Variants in MARCHF1 observed in about 807,000 individuals in gnomAD.
MARCHF1 encodes the protein E3 ubiquitin-protein ligase MARCHF1.
A neutral mutation model predicts 54.2 loss-of-function variants in MARCHF1; 40 were observed. The ratio of observed to expected loss-of-function variants is 0.74; its 90% confidence interval spans 0.57 to 0.96. MARCHF1 has a LOEUF of 0.96. Among genes scored for constraint, MARCHF1 ranks in the 40% least tolerant of loss-of-function variants. The probability of loss-of-function intolerance (pLI) is 0.00; values close to 1 mark genes in which losing one functional copy is unlikely to be tolerated. For missense variants in MARCHF1, 586 were observed against 656.5 expected, an observed-to-expected ratio of 0.89 and a Z score of 1.17; for synonymous variants, 236 against 236.3, an observed-to-expected ratio of 1.00 and a Z score of 0.01.
At chr4:164,328,944 T>C (rs1454786774) in intron 1 of MARCHF1, among the ~76,000 whole-genome samples, 1 of 152,224 alleles carries the variant, frequency 6.6e-6, no homozygotes, top group Admixed American at 6.5e-5. Context: ...CACCACAGAA[T>C]AAACTTTCAG....
chr4:163,924,505 G>T (rs1167303302), intron 3 of MARCHF1, among the ~76,000 whole-genome samples: 1 of 152,042 alleles, frequency 6.6e-6, no homozygotes, highest in Non-Finnish European at 1.5e-5. Flanking sequence ...TAAAGGCTAT[G>T]TCAGTGGTTG....
chr4:163,920,223 T>C (rs1751395004), intron 3 of MARCHF1, among the ~76,000 whole-genome samples: 1 of 152,162 alleles, frequency 6.6e-6, no homozygotes, highest in Non-Finnish European at 1.5e-5. Context: ...TCTGCTTTCG[T>C]TCCCCACCAT....
intron 4 of MARCHF1, among the ~76,000 whole-genome samples, chr4:163,833,868 T>A (rs2111106774): frequency 6.6e-6 from 1 of 152,218 alleles, no homozygotes; most frequent in East Asian, 1.9e-4. Context: ...GTAACATCAA[T>A]CAAAGCTTTT....
At chr4:164,105,786 G>A (rs556346488) in intron 2 of MARCHF1, among the ~76,000 whole-genome samples, 2 of 129,732 alleles carry the variant, frequency 1.5e-5, no homozygotes, top group East Asian at 2.0e-4. Flanking sequence ...AAACTAAAGA[G>A]CTTCTGCACA....
intron 4 of MARCHF1, among the ~76,000 whole-genome samples, chr4:163,838,928 T>C (rs1384828478): frequency 6.6e-6 from 1 of 152,048 alleles, no homozygotes; most frequent in Non-Finnish European, 1.5e-5. Context: ...TGAAAAACTT[T>C]TATGCTTTAA....
chr4:163,931,698 A>T (rs1201430862), intron 3 of MARCHF1, among the ~76,000 whole-genome samples: 3 of 152,168 alleles, frequency 2.0e-5, no homozygotes, highest in Admixed American at 2.0e-4. Flanking sequence ...TGCTTTCCTA[A>T]TGTGGGGGTG....
intron 1 of MARCHF1, among the ~76,000 whole-genome samples, chr4:164,161,636 A>G (rs1230500223): frequency 6.6e-6 from 1 of 152,166 alleles, no homozygotes; most frequent in East Asian, 1.9e-4. Context: ...TTTCATCTTT[A>G]GGGTAATTGT....
At chr4:164,284,334 CAGAGAGAGAGAG>C (rs139533400) in intron 1 of MARCHF1, among the ~76,000 whole-genome samples, 1 of 117,560 alleles carries the variant, frequency 8.5e-6, no homozygotes, top group Non-Finnish European at 1.8e-5. Flanking sequence ...GAGAGAGAGA[CAGAGAGAGAGAG>C]AGAGAGAGAG....
intron 7 of MARCHF1, among the ~76,000 whole-genome samples, chr4:163,592,388 A>C (rs1740619852): frequency 6.6e-6 from 1 of 152,192 alleles, no homozygotes; most frequent in South Asian, 2.1e-4. Flanking sequence ...TGACTTGGTC[A>C]AAACCTCAGA....
chr4:163,613,355 C>T lies in MARCHF1; in HGVS notation c.201G>A (p.Gln67=). The T allele has an allele frequency of 6.2e-7, 1 of 1,613,092 alleles. No individual in the cohort carries two copies. Among genetic ancestry groups the T allele is most frequent in the Non-Finnish European group, 8.5e-7 (1 of 1,179,430 alleles). Residue 67 remains glutamine (Q), a synonymous_variant, in exon 6 of 10, where the codon CAG becomes CAA. Coordinates refer to ENST00000514618, the MANE Select transcript of MARCHF1 (RefSeq NM_001394959.1). ...TGGATGGACAGACAGACAACCTTGACTGGCTCCTGGGAGCTGTCCCTGTTG... is the reference window on the plus strand; with the variant it reads ...TGGATGGACAGACAGACAACCTTGATTGGCTCCTGGGAGCTGTCCCTGTTG... ...SPTTGTAPRS[Q]SRLSVCPSTQ... is the part of the protein sequence containing the mutation.
At chr4:164,067,671 C>T (rs967747957) in intron 2 of MARCHF1, among the ~76,000 whole-genome samples, 1 of 151,854 alleles carries the variant, frequency 6.6e-6, no homozygotes, top group Non-Finnish European at 1.5e-5. Context: ...TTGGCCTTGG[C>T]AAAGAATTTT....
intron 3 of MARCHF1, among the ~76,000 whole-genome samples, chr4:163,977,433 C>T (rs1313144195): frequency 2.0e-5 from 3 of 152,172 alleles, no homozygotes; most frequent in African/African-American, 7.2e-5. Context: ...TCTTAGCCAT[C>T]ACCTAAGTGT....
intron 4 of MARCHF1, among the ~76,000 whole-genome samples, chr4:163,711,055 G>C (rs962721244): frequency 6.6e-6 from 1 of 151,946 alleles, no homozygotes; most frequent in African/African-American, 2.4e-5. Flanking sequence ...ATGACCAGAG[G>C]TGTGGCAAAC....
chr4:164,118,391 A>G (rs1444725248), intron 1 of MARCHF1, among the ~76,000 whole-genome samples: 1 of 151,138 alleles, frequency 6.6e-6, no homozygotes, highest in African/African-American at 2.4e-5. Flanking sequence ...CAAAGTTAAA[A>G]GAAAGTGGAA....
intron 2 of MARCHF1, among the ~76,000 whole-genome samples, chr4:164,045,337 C>A (rs1392293428): frequency 2.0e-5 from 3 of 151,694 alleles, no homozygotes. Context: ...AATGGTGAAA[C>A]CCTGTCTCTA....
chr4:163,811,070 T>C (rs1292791999), intron 4 of MARCHF1, among the ~76,000 whole-genome samples: 1 of 152,190 alleles, frequency 6.6e-6, no homozygotes, highest in Non-Finnish European at 1.5e-5. Context: ...TTTTGCCTGC[T>C]TTTCCTTTCC....
intron 1 of MARCHF1, among the ~76,000 whole-genome samples, chr4:164,262,385 C>T (rs113904263): frequency 0.037 from 5,601 of 152,144 alleles, 134 homozygotes; most frequent in East Asian, 0.11. Flanking sequence ...ATTGTTTTTC[C>T]AGTTATACAT....
chr4:163,575,791 G>A (rs960201432), intron 8 of MARCHF1, among the ~76,000 whole-genome samples: 2 of 151,972 alleles, frequency 1.3e-5, no homozygotes, highest in East Asian at 3.9e-4. Context: ...CATGTTTCCA[G>A]AAATTTATCT....
At chr4:163,558,859 T>C (rs894448220) in intron 8 of MARCHF1, among the ~76,000 whole-genome samples, 3 of 152,290 alleles carry the variant, frequency 2.0e-5, no homozygotes, top group South Asian at 4.1e-4. Context: ...CAGTGGGTCT[T>C]ATTAAATATG....
Sources: gnomAD v4.1 joint callset for allele counts (sites outside exome capture counted in the v4.1 genomes callset) on GRCh38, gnomAD v4.1.1 for gene constraint, MANE v1.5 for transcripts, NCBI Gene and HGNC (gene_info 2026-07-23, HGNC 2026-07-21) for gene names.